The following AKNA variants were observed in gnomAD, a reference collection of about 807,000 sequenced individuals.
AKNA encodes AT-hook transcription factor.
A neutral mutation model predicts 138.8 loss-of-function variants in AKNA; 67 were observed. That is an observed-to-expected ratio of 0.48 (90% CI 0.40 to 0.59). The LOEUF is 0.59. AKNA is among the 20% of genes least tolerant of loss of function. AKNA has a pLI of 0.00. For missense variants in AKNA, 1,813 were observed against 1,880.4 expected (o/e 0.96, Z 0.66); for synonymous variants, 737 against 754.4 (o/e 0.98, Z 0.38).
upstream of AKNA, among the ~76,000 whole-genome samples, chr9:114,394,822 A>G (rs1270406364): frequency 1.3e-5 from 2 of 152,034 alleles, no homozygotes; most frequent in African/African-American, 4.8e-5. Flanking sequence ...TGTGCCTCTT[A>G]GACCCTGAGA....
intron 14 of AKNA, among the ~76,000 whole-genome samples, chr9:114,353,465 T>C (rs1831275685): frequency 6.6e-6 from 1 of 152,198 alleles, no homozygotes; most frequent in Non-Finnish European, 1.5e-5. Context: ...GGTTTTGCCA[T>C]GTTGGCCAGG....
chr9:114,353,770 TG>T (rs1831297351), intron 14 of AKNA, among the ~76,000 whole-genome samples: 1 of 152,188 alleles, frequency 6.6e-6, no homozygotes, highest in Non-Finnish European at 1.5e-5. Context: ...TGTAACACAA[TG>T]GTAAGTATTT....
chr9:114,331,255 T>G (rs10817592), downstream of AKNA, among the ~76,000 whole-genome samples: 25,634 of 152,030 alleles, frequency 0.17, 2,399 homozygotes, highest in South Asian at 0.29. Flanking sequence ...ATGGCAGGGA[T>G]CTGATGGAGC....
upstream of AKNA, among the ~76,000 whole-genome samples, chr9:114,389,882 C>T (rs1204985736): frequency 2.0e-5 from 3 of 152,184 alleles, no homozygotes; most frequent in Non-Finnish European, 4.4e-5. Context: ...TCGCCCACCC[C>T]TCTATCCCCT....
At chr9:114,339,241 G>A (rs369437128) in intron 21 of AKNA, among the ~76,000 whole-genome samples, 1 of 152,178 alleles carries the variant, frequency 6.6e-6, no homozygotes, top group Non-Finnish European at 1.5e-5. Context: ...CTCTGGGCTG[G>A]AAAGTCTCGG....
At position 114,335,771 on chromosome 9, in the gene AKNA, C is replaced by CAAAAAAAAAAAAAAAAAAAA. The variant is rs10610956; in HGVS notation, c.*1282_*1283insTTTTTTTTTTTTTTTTTTTT. The CAAAAAAAAAAAAAAAAAAAA allele has an allele frequency of 9.8e-6, 1 of 101,686 alleles. No individual in the cohort carries two copies. Among genetic ancestry groups the CAAAAAAAAAAAAAAAAAAAA allele is most frequent in the Non-Finnish European group, 2.0e-5 (1 of 49,224 alleles). The allele number at this position is 101,686 out of a possible 1,614,324, so 6.3% of individuals were successfully genotyped here. The stretch of plus-strand genomic sequence containing the variant: ...GGGCAACCAGAGCAAAACTCAGTCT[C>CAAAAAAAAAAAAAAAAAAAA]AAAAAAAAAAAAAAAAAGAAAAAGA... On this transcript the variant is annotated 3_prime_UTR_variant, in exon 22 of 22. Coordinates refer to ENST00000374088, the MANE Select transcript of AKNA (RefSeq NM_001317950.2).
At position 114,347,785 on chromosome 9, in the gene AKNA, G is replaced by A; in HGVS notation, c.3337C>T (p.Pro1113Ser). Residue 1113 changes from proline (P) to serine (S), a missense_variant, in exon 16 of 22, where the codon CCC becomes TCC. By Grantham distance (74) the Pro-to-Ser change is moderately conservative. Transcript: ENST00000374088. ...PTRPASAFDR[P>S]ARTRGRPADS... ...GCTGGCCGGCCGCGGGTCCGGGCGG[G>A]GCGGTCAAAGGCAGATGCTGGGCGT... 6.5e-7 allele frequency: 1 copy of A among 1,548,492 alleles called. No individual in the cohort carries two copies. The highest frequency in any genetic ancestry group is 2.5e-5 in the East Asian group (1 of 40,450).
At chr9:114,376,393 C>G in intron 3 of AKNA, 73 bp downstream of exon 3, 5 of 1,531,224 alleles carry the variant, frequency 3.3e-6, no homozygotes, top group Non-Finnish European at 4.5e-6. Flanking sequence ...CCAGGCCTCC[C>G]CACCCCAATT....
At chr9:114,341,887 C>A in intron 20 of AKNA, 122 bp downstream of exon 20, 2 of 1,297,902 alleles carry the variant, frequency 1.5e-6, no homozygotes, top group Admixed American at 1.8e-5. Flanking sequence ...AAATCCTCTG[C>A]CCCAGTTGCT....
chr9:114,354,822 G>A (rs1831375391), intron 14 of AKNA, among the ~76,000 whole-genome samples: 2 of 150,236 alleles, frequency 1.3e-5, no homozygotes, highest in South Asian at 2.1e-4. Flanking sequence ...AGAGTCATTA[G>A]TTATCAAGTA....
upstream of AKNA, among the ~76,000 whole-genome samples, chr9:114,389,508 C>T (rs1030142555): frequency 1.3e-5 from 2 of 152,102 alleles, no homozygotes; most frequent in Non-Finnish European, 2.9e-5. Flanking sequence ...TGAGGCTTCA[C>T]GTCTCTAAGC....
upstream of AKNA, among the ~76,000 whole-genome samples, chr9:114,389,321 C>G (rs569019393): frequency 1.3e-5 from 2 of 152,048 alleles, no homozygotes; most frequent in South Asian, 4.2e-4. Context: ...GACTCTGAGT[C>G]AGGAAACAAA....
Position 114,342,031 on chromosome 9 carries a change from A to C in AKNA, c.3852T>G (p.Asp1284Glu). ...CGQVGSPPEA[D>E]GPGSATSGAE... Reference sequence around the variant, plus strand: ...TACCAGAGGTGGCTGAGCCTGGACCATCTGCCTCTGGGGGAGACCCAACTT... The same window carrying C: ...TACCAGAGGTGGCTGAGCCTGGACCCTCTGCCTCTGGGGGAGACCCAACTT... The change falls in exon 20 of 22, where the codon GAT (aspartate) becomes GAG (glutamate). Residue 1284 changes from aspartate to glutamate, a missense_variant. By Grantham distance (45) the Asp-to-Glu change is conservative. Coordinates refer to ENST00000374088, the MANE Select transcript of AKNA (RefSeq NM_001317950.2). 1 of 1,614,114 alleles carries C rather than the reference A, an allele frequency of 6.2e-7. No individual in the cohort carries two copies. The highest frequency in any genetic ancestry group is 1.3e-5 in the African/African-American group (1 of 75,044).
intron 15 of AKNA, among the ~76,000 whole-genome samples, chr9:114,349,170 C>A (rs1181571512): frequency 6.6e-6 from 1 of 152,168 alleles, no homozygotes; most frequent in Non-Finnish European, 1.5e-5. Context: ...GCCTCCTAGT[C>A]AGAAGGCACT....
chr9:114,377,500 T>A lies in AKNA; in HGVS notation c.307A>T (p.Ser103Cys). ...AGCCAGGCAAGAGGCTCATGGGAAC[T>A]TGCTGGGCTGTCCACATCCTCTGCT... is the stretch of plus-strand genomic sequence containing the variant. The part of the protein sequence containing the change: ...AEAEDVDSPA[S>C]SHEPLAWLPQ... The change falls in exon 3 of 22, where the codon AGT becomes TGT. Residue 103 changes from serine (S) to cysteine (C), a missense_variant. Ser to Cys is a moderately radical substitution (Grantham distance 112). Transcript: ENST00000374088. 6.2e-7 allele frequency: 1 copy of A among 1,610,304 alleles called. No individual in the cohort carries two copies. The highest frequency in any genetic ancestry group is 1.7e-4 in the Middle Eastern group (1 of 6,032).
Position 114,346,536 on chromosome 9 carries a change from T to C in AKNA, c.3514+133A>G, listed in dbSNP as rs751937234. The C allele has an allele frequency of 2.6e-4, 169 of 660,778 alleles. 1 individual carries two copies. The highest frequency in any genetic ancestry group is 3.7e-4 in the Non-Finnish European group (148 of 400,910). 40.9% of individuals were successfully genotyped at this position (660,778 alleles called of 1,614,324 possible). ...AAGTGCTCTGTGCTTCACAGCACTA[T>C]AATATCCTAAAACAGATGCACAAAA... is the stretch of plus-strand genomic sequence containing the variant. On this transcript the variant is annotated intron_variant, in intron 17 of 21. Transcript: ENST00000374088.
chr9:114,377,446 T>C lies in AKNA; in HGVS notation c.361A>G (p.Thr121Ala). 1 of 1,613,578 alleles carries C rather than the reference T, an allele frequency of 6.2e-7. No individual in the cohort carries two copies. ...LPQQGRQLDM[T>A]EEEPDGTLGS... Reference sequence around the variant, plus strand: ...AGGGTCCCATCTGGCTCCTCTTCAGTCATGTCCAGCTGACGGCCCTGCTGG... The same window carrying C: ...AGGGTCCCATCTGGCTCCTCTTCAGCCATGTCCAGCTGACGGCCCTGCTGG... Residue 121 changes from threonine (T) to alanine (A), a missense_variant, in exon 3 of 22, where the codon ACT (threonine) becomes GCT (alanine). Physicochemically the swap from Thr to Ala is moderately conservative, Grantham distance 58. Coordinates refer to ENST00000374088, the MANE Select transcript of AKNA (RefSeq NM_001317950.2).
intron 14 of AKNA, among the ~76,000 whole-genome samples, chr9:114,354,081 G>T (rs1213002980): frequency 1.3e-5 from 2 of 152,052 alleles, no homozygotes; most frequent in Non-Finnish European, 2.9e-5. Context: ...TTTTTAAATG[G>T]TTTTTAACCT....
chr9:114,344,316 C>T (rs1389774621), intron 18 of AKNA: 1 of 157,944 alleles, frequency 6.3e-6, no homozygotes, highest in African/African-American at 2.4e-5. Context: ...ATTTCACAGG[C>T]TTGTTGGGAG....
Sources: gnomAD v4.1 joint callset for allele counts (sites outside exome capture counted in the v4.1 genomes callset) on GRCh38, gnomAD v4.1.1 for gene constraint, MANE v1.5 for transcripts, NCBI Gene and HGNC (gene_info 2026-07-23, HGNC 2026-07-21) for gene names.